Variants in ADCY5 observed in about 807,000 individuals in gnomAD.
ADCY5 encodes adenylate cyclase 5.
Under a neutral mutation model 119.7 loss-of-function variants are expected in ADCY5, and 30 were observed. That is an observed-to-expected ratio of 0.25 (90% CI 0.19 to 0.34). ADCY5 has a LOEUF of 0.34. ADCY5 is among the 10% of genes least tolerant of loss of function. ADCY5 has a pLI of 1.00. For synonymous variants in ADCY5, 753 were observed against 762.2 expected, an observed-to-expected ratio of 0.99 and a Z score of 0.20; for missense variants, 1,324 against 1,775.2, an observed-to-expected ratio of 0.75 and a Z score of 4.57.
intron 12 of ADCY5, among the ~76,000 whole-genome samples, chr3:123,306,654 T>C (rs1194043697): frequency 2.0e-5 from 3 of 152,172 alleles, no homozygotes; most frequent in African/African-American, 7.2e-5. Flanking sequence ...GAATGTAAAA[T>C]GGGGCAGCCA....
At chr3:123,414,684 G>A (rs542628622) in intron 1 of ADCY5, among the ~76,000 whole-genome samples, 13 of 152,262 alleles carry the variant, frequency 8.5e-5, no homozygotes, top group Admixed American at 5.9e-4. Context: ...AGCCTCCCAA[G>A]TAGCTGGGAT....
intron 1 of ADCY5, among the ~76,000 whole-genome samples, chr3:123,409,448 T>G (rs1944988196): frequency 6.6e-6 from 1 of 151,948 alleles, no homozygotes; most frequent in Non-Finnish European, 1.5e-5. Context: ...ATCCTTGGAG[T>G]CAGGGTCTAA....
In ADCY5 at chr3:123,448,101, T is replaced by A. The variant is rs867524656; in HGVS notation, c.445A>T (p.Thr149Ser). Residue 149 changes from threonine to serine, a missense_variant, in exon 1 of 21, where the codon ACG (threonine) becomes TCG (serine). Thr to Ser is a moderately conservative substitution (Grantham distance 58). Around this residue, in one of 6 missense-constraint regions of ADCY5, gnomAD observed 585 missense variants for 569.9 expected, o/e 1.03. Coordinates refer to ENST00000462833, the MANE Select transcript of ADCY5 (RefSeq NM_183357.3). ...TCCACCGAGCGAGGGCGCACCTCCG[T>A]CCCGCCCGCCGAGGCAGCCGCCGCC... ...SAAAAASAGG[T>S]EVRPRSVEVG... 9.5e-6 allele frequency: 11 copies of A among 1,155,218 alleles called. No individual in the cohort carries two copies. The Middle Eastern group carries it at 1.1e-3, about 113-fold the overall frequency. 71.6% of individuals were successfully genotyped at this position (1,155,218 alleles called of 1,614,324 possible).
intron 12 of ADCY5, among the ~76,000 whole-genome samples, chr3:123,313,345 G>T (rs1406705849): frequency 4.6e-5 from 7 of 152,226 alleles, no homozygotes; most frequent in African/African-American, 1.7e-4. Context: ...CCAGAAGGAA[G>T]ACATGGTGCT....
chr3:123,375,135 G>A (rs1485040726), intron 1 of ADCY5, among the ~76,000 whole-genome samples: 27 of 152,178 alleles, frequency 1.8e-4, no homozygotes, highest in Admixed American at 1.8e-3. Context: ...CTTTTTCAAG[G>A]GCAGCACATC....
At chr3:123,306,769 G>T (rs1428600836) in intron 12 of ADCY5, among the ~76,000 whole-genome samples, 1 of 152,166 alleles carries the variant, frequency 6.6e-6, no homozygotes, top group African/African-American at 2.4e-5. Flanking sequence ...CTGAAACAGG[G>T]ACTTGCACAG....
intron 12 of ADCY5, among the ~76,000 whole-genome samples, chr3:123,308,173 A>C (rs1940310334): frequency 6.6e-6 from 1 of 151,324 alleles, no homozygotes; most frequent in Non-Finnish European, 1.5e-5. Flanking sequence ...AGCTGGGACT[A>C]CAGGCGCCCA....
intron 15 of ADCY5, among the ~76,000 whole-genome samples, chr3:123,299,291 G>C (rs77779086): frequency 0.018 from 2,725 of 152,200 alleles, 85 homozygotes; most frequent in African/African-American, 0.063. Flanking sequence ...TGCCTAACTT[G>C]GTGCGTGTGT....
chr3:123,389,563 C>T (rs185850706), intron 1 of ADCY5, among the ~76,000 whole-genome samples: 15 of 152,162 alleles, frequency 9.9e-5, no homozygotes, highest in African/African-American at 3.1e-4. Context: ...ACGTTCCACA[C>T]CATGCTGGCC....
At chr3:123,299,279 C>T (rs1001717600) in intron 15 of ADCY5, among the ~76,000 whole-genome samples, 2 of 152,230 alleles carry the variant, frequency 1.3e-5, no homozygotes, top group African/African-American at 4.8e-5. Context: ...GCTTCTGGAA[C>T]ATGCCTAACT....
At chr3:123,341,656 C>T (rs915799165) in intron 3 of ADCY5, among the ~76,000 whole-genome samples, 1 of 151,962 alleles carries the variant, frequency 6.6e-6, no homozygotes, top group African/African-American at 2.4e-5. Flanking sequence ...GTATTTTTAT[C>T]ACAACTAAAA....
chr3:123,287,043 T>G (rs1342794016), intron 19 of ADCY5: 4 of 483,554 alleles, frequency 8.3e-6, no homozygotes, highest in Non-Finnish European at 1.1e-5. Context: ...TCACCAGGAG[T>G]GCCCTCTTCA....
rs1435791588 is a variant in ADCY5, at chr3:123,396,211, GAGAA to G, written c.1135-43634_1135-43631del. On this transcript the variant is annotated intron_variant, in intron 1 of 20. Coordinates refer to ENST00000462833, the MANE Select transcript of ADCY5 (RefSeq NM_183357.3). ...AGAAGGAAGGAAGGAAGAAAAGAAAGAGAAAGAAAGAAAAAGAAACAAAGAAAGA... is the reference window on the plus strand; with the variant it reads ...AGAAGGAAGGAAGGAAGAAAAGAAAGAGAAAGAAAAAGAAACAAAGAAAGA... 7.1e-3 allele frequency among the ~76,000 whole-genome samples: 925 copies of G among 130,684 alleles called. 7 individuals are homozygous for G. The highest frequency in any genetic ancestry group is 0.024 in the African/African-American group (887 of 36,654). 85.7% of individuals were successfully genotyped at this position (130,684 alleles called of 152,430 possible). A position where few individuals can be genotyped will look rare whatever the true frequency, so the allele number is the denominator to read the frequency against.
intron 7 of ADCY5, 139 bp from the exon 8 acceptor site, chr3:123,325,601 C>T (rs1576576345): frequency 2.6e-6 from 3 of 1,150,804 alleles, no homozygotes; most frequent in East Asian, 2.4e-5. Flanking sequence ...GGAGCCAGAG[C>T]TCGGCCCAGA....
intron 7 of ADCY5, among the ~76,000 whole-genome samples, chr3:123,327,377 T>A (rs1206165410): frequency 1.3e-5 from 2 of 152,250 alleles, no homozygotes; most frequent in African/African-American, 4.8e-5. Flanking sequence ...TTCTGATGTC[T>A]TGTTGCTAAC....
chr3:123,366,452 C>T (rs1459058583), intron 1 of ADCY5, among the ~76,000 whole-genome samples: 1 of 152,210 alleles, frequency 6.6e-6, no homozygotes, highest in Non-Finnish European at 1.5e-5. Context: ...ACACCCAGCA[C>T]AGCCACTCTC....
chr3:123,289,861 C>G lies in ADCY5; in HGVS notation c.3421G>C (p.Asp1141His). ...AASGLNDSTY[D>H]KVGKTHIKAL... is the part of the protein sequence containing the mutation. ...TTGATGTGGGTCTTGCCCACCTTGT[C>G]GTAGGTAGAGTCGTTGAGGCCGGAG... is the stretch of plus-strand genomic sequence containing the variant. Residue 1141 changes from aspartate to histidine, a missense_variant, in exon 19 of 21, where the codon GAC (aspartate) becomes CAC (histidine). Transcript: ENST00000462833. 1 of 1,614,234 alleles carries G rather than the reference C, an allele frequency of 6.2e-7. No homozygotes were observed. Among genetic ancestry groups the G allele is most frequent in the Non-Finnish European group, 8.5e-7 (1 of 1,180,044 alleles).
At position 123,328,688 on chromosome 3, in the gene ADCY5, G is replaced by A. The variant is rs138454225; in HGVS notation, c.1761C>T (p.Asn587=). The A allele has an allele frequency of 1.1e-5, 17 of 1,614,080 alleles. No homozygotes were observed. The highest frequency in any genetic ancestry group is 2.2e-5 in the East Asian group (1 of 44,900). The stretch of plus-strand genomic sequence containing the variant: ...CCATGTGGTTGGCTAGCGTGACATC[G>A]TTAGACCAGACGTCGAACTGCCACT... ...LRKWQFDVWS[N]DVTLANHMEA... Residue 587 remains asparagine (N), a synonymous_variant, in exon 6 of 21, where the codon AAC becomes AAT. Transcript: ENST00000462833.
chr3:123,399,676 C>T lies in ADCY5; in HGVS notation c.1135-47095G>A, dbSNP rs375308409. 3.9e-5 allele frequency among the ~76,000 whole-genome samples: 6 copies of T among 152,142 alleles called. No homozygotes were observed. The East Asian group carries it at 1.2e-3, about 29-fold the overall frequency. ...TTGATGTCTGCTTCTTCGATAGATA[C>T]CTCCAATTATTTCTGGAACAAACTG... On this transcript the variant is annotated intron_variant, in intron 1 of 20. Transcript: ENST00000462833.
Sources: allele counts gnomAD v4.1 joint callset (sites outside exome capture counted in the v4.1 genomes callset), GRCh38; gene constraint gnomAD v4.1.1; regional missense constraint gnomAD v4.1.1; transcripts MANE v1.5; gene names NCBI Gene and HGNC (gene_info 2026-07-23, HGNC 2026-07-21).